GFOD1: variants seen among roughly 807,000 people sequenced by gnomAD.
GFOD1 encodes glucose-fructose oxidoreductase domain-containing protein 1.
GFOD1 carries 9 observed loss-of-function variants against 25.4 expected under a neutral mutation model. That is an observed-to-expected ratio of 0.35 (90% CI 0.21 to 0.62). The LOEUF is 0.62. GFOD1 is among the 20% of genes least tolerant of loss of function. The probability of loss-of-function intolerance (pLI) is 0.72; values close to 1 mark genes in which losing one functional copy is unlikely to be tolerated. For missense variants in GFOD1, 403 were observed against 556.9 expected (o/e 0.72, Z 2.78); for synonymous variants, 253 against 245.6 (o/e 1.03, Z -0.28).
In GFOD1 at chr6:13,486,730, CG is replaced by C; in HGVS notation, c.160del (p.Arg54AlafsTer31). On this transcript the variant is annotated frameshift_variant, in exon 1 of 2. Transcript: ENST00000379287. LOFTEE classifies it high-confidence loss of function. Reference protein sequence around the residue: ...KEMSVPFYTSRIDEVLLHQDV... With the variant: ...KEMSVPFYTSXIDEVLLHQDV... Reference sequence around the variant, plus strand: ...CTGATGCAGCAGCACCTCATCAATGCGGCTAGTGTAGAAGGGGACACTCATC... The same window carrying C: ...CTGATGCAGCAGCACCTCATCAATGCGCTAGTGTAGAAGGGGACACTCATC... 6.2e-7 allele frequency: 1 copy of C among 1,614,106 alleles called. No individual in the cohort carries two copies. Among genetic ancestry groups the C allele is most frequent in the Non-Finnish European group, 8.5e-7 (1 of 1,179,982 alleles).
intron 1 of GFOD1, among the ~76,000 whole-genome samples, chr6:13,379,280 C>A (rs1295362185): frequency 6.6e-6 from 1 of 152,152 alleles, no homozygotes; most frequent in Admixed American, 6.5e-5. Flanking sequence ...AAATTTCCCA[C>A]CTGAGAGTCT....
At chr6:13,431,678 G>A (rs775187500) in intron 1 of GFOD1, among the ~76,000 whole-genome samples, 3 of 152,184 alleles carry the variant, frequency 2.0e-5, no homozygotes, top group Non-Finnish European at 4.4e-5. Flanking sequence ...TTTTAAGAAT[G>A]AAGCTTTTCA....
At chr6:13,454,532 A>G (rs1192635406) in intron 1 of GFOD1, among the ~76,000 whole-genome samples, 2 of 152,162 alleles carry the variant, frequency 1.3e-5, no homozygotes, top group African/African-American at 4.8e-5. Flanking sequence ...CTGGCCTTTC[A>G]GTAGCTATGT....
intron 1 of GFOD1, among the ~76,000 whole-genome samples, chr6:13,374,273 TTGTGTGTGTGTGTGTG>T (rs567594703): frequency 1.5e-5 from 2 of 134,388 alleles, no homozygotes; most frequent in Non-Finnish European, 3.1e-5. Context: ...TGTTTTTTTT[TTGTGTGTGTGTGTGTG>T]TGTGTGTGTG....
intron 1 of GFOD1, among the ~76,000 whole-genome samples, chr6:13,377,482 G>A (rs1785277982): frequency 6.6e-6 from 1 of 152,168 alleles, no homozygotes; most frequent in African/African-American, 2.4e-5. Context: ...CTTCTACAGA[G>A]CCCACTTTCC....
rs574994023 is a variant in GFOD1, at chr6:13,480,431, C to T, written c.253+6207G>A. ...TGTTCCCAAAGGCAGAGAGCTATCT[C>T]ATCTTTAGTGTCTGACTGTTCCAGC... On this transcript the variant is annotated intron_variant, in intron 1 of 1. Coordinates refer to ENST00000379287, the MANE Select transcript of GFOD1 (RefSeq NM_018988.4). 5.9e-5 allele frequency among the ~76,000 whole-genome samples: 9 copies of T among 152,342 alleles called. No homozygotes were observed. The South Asian group carries it at 1.9e-3, about 32-fold the overall frequency.
chr6:13,469,794 TTC>T, intron 1 of GFOD1: 2 of 1,127,152 alleles, frequency 1.8e-6, no homozygotes, highest in Non-Finnish European at 2.3e-6. Context: ...ACAGTGAAAT[TTC>T]TCACTTGTAA....
intron 1 of GFOD1, among the ~76,000 whole-genome samples, chr6:13,446,362 CAG>C (rs1370478176): frequency 6.6e-6 from 1 of 152,196 alleles, no homozygotes; most frequent in Non-Finnish European, 1.5e-5. Flanking sequence ...AGCATCAAGA[CAG>C]AGAACTGTAT....
At position 13,365,906 on chromosome 6, in the gene GFOD1, AATAATAATAATAATAATG is replaced by A. The variant is rs1785036832; in HGVS notation, c.254-262_254-245del. On this transcript the variant is annotated intron_variant, in intron 1 of 1. Coordinates refer to ENST00000379287, the MANE Select transcript of GFOD1 (RefSeq NM_018988.4). The surrounding 1 kb of genome is among the most constrained non-coding windows in gnomAD (Gnocchi z 9.2). ...TAATAATAATAATAATAATAATAAT[AATAATAATAATAATAATG>A]AGCCGGGCGTGGTGGTGCACGCCTG... is the stretch of plus-strand genomic sequence containing the variant. Among the ~76,000 whole-genome samples the A allele has an allele frequency of 6.8e-6, 1 of 146,676 alleles. No homozygotes were observed. Among genetic ancestry groups the A allele is most frequent in the African/African-American group, 2.5e-5 (1 of 40,146 alleles).
At chr6:13,464,993 C>A (rs1758354763) in intron 1 of GFOD1, among the ~76,000 whole-genome samples, 1 of 152,052 alleles carries the variant, frequency 6.6e-6, no homozygotes, top group Non-Finnish European at 1.5e-5. Context: ...GAAATGCTAC[C>A]TCCTCTGTGC....
At chr6:13,374,494 CAG>C (rs894930036) in intron 1 of GFOD1, among the ~76,000 whole-genome samples, 2 of 151,708 alleles carry the variant, frequency 1.3e-5, no homozygotes, top group Admixed American at 1.3e-4. Context: ...TTAGTAGAGA[CAG>C]AGTTTCTCCA....
intron 1 of GFOD1, among the ~76,000 whole-genome samples, chr6:13,420,369 A>G (rs1395705922): frequency 6.6e-6 from 1 of 152,190 alleles, no homozygotes; most frequent in Non-Finnish European, 1.5e-5. Context: ...GGAAGAGGGC[A>G]TCCTACTCTC....
At chr6:13,373,778 CTTT>C (rs10717560) in intron 1 of GFOD1, among the ~76,000 whole-genome samples, 6 of 125,426 alleles carry the variant, frequency 4.8e-5, no homozygotes, top group Admixed American at 1.6e-4. Flanking sequence ...ACACACTACG[CTTT>C]TTTTTTTTTT....
chr6:13,481,318 G>C (rs1758746681), intron 1 of GFOD1, among the ~76,000 whole-genome samples: 1 of 152,222 alleles, frequency 6.6e-6, no homozygotes, highest in South Asian at 2.1e-4. Context: ...AGTGAGGCAA[G>C]AACCTTCTGG....
chr6:13,414,270 A>T (rs1167171457), intron 1 of GFOD1, among the ~76,000 whole-genome samples: 1 of 152,232 alleles, frequency 6.6e-6, no homozygotes, highest in Non-Finnish European at 1.5e-5. Flanking sequence ...AAAGATGCAC[A>T]TATTTGGAGA....
intron 1 of GFOD1, among the ~76,000 whole-genome samples, chr6:13,371,688 G>A (rs1329168916): frequency 6.6e-6 from 1 of 152,218 alleles, no homozygotes; most frequent in East Asian, 1.9e-4. Flanking sequence ...CCCAAGTGGT[G>A]GGAGAGGTCT....
At chr6:13,390,780 A>AAAGGAAGGAGAAGGAAGGAAGG in intron 1 of GFOD1, among the ~76,000 whole-genome samples, 1 of 117,952 alleles carries the variant, frequency 8.5e-6, no homozygotes, top group Non-Finnish European at 1.8e-5. Flanking sequence ...AGAGAGAGAG[A>AAAGGAAGGAGAAGGAAGGAAGG]AAGGAAGGAA....
intron 1 of GFOD1, among the ~76,000 whole-genome samples, chr6:13,440,583 G>A (rs1244165025): frequency 1.3e-5 from 2 of 152,182 alleles, no homozygotes; most frequent in East Asian, 3.8e-4. Context: ...GCTTTGGGCA[G>A]CACTCCTCAT....
At chr6:13,395,028 C>T (rs1037046984) in intron 1 of GFOD1, among the ~76,000 whole-genome samples, 1 of 152,234 alleles carries the variant, frequency 6.6e-6, no homozygotes, top group Non-Finnish European at 1.5e-5. Flanking sequence ...AGGAATCCCC[C>T]GACTTTAGCC....
Sources: allele counts gnomAD v4.1 joint callset (sites outside exome capture counted in the v4.1 genomes callset), GRCh38; gene constraint gnomAD v4.1.1; non-coding constraint Gnocchi (gnomAD v3.1); transcripts MANE v1.5; gene names NCBI Gene and HGNC (gene_info 2026-07-23, HGNC 2026-07-21).